The following RNASEH1 variants were observed in gnomAD, a reference collection of about 807,000 sequenced individuals.
RNASEH1 encodes ribonuclease H1.
Under a neutral mutation model 34.6 loss-of-function variants are expected in RNASEH1, and 27 were observed. The ratio of observed to expected loss-of-function variants is 0.78; its 90% CI spans 0.58 to 1.08. RNASEH1 has a LOEUF of 1.08. Among genes scored for constraint, RNASEH1 ranks in the 50% least tolerant of loss-of-function variants. RNASEH1 has a pLI of 0.00. For synonymous variants in RNASEH1, 162 were observed against 138.4 expected (o/e 1.17, Z -1.20); for missense variants, 349 against 373.6 (o/e 0.93, Z 0.54).
chr2:3,538,609 C>T (rs556488019), downstream of RNASEH1, among the ~76,000 whole-genome samples: 12 of 152,242 alleles, frequency 7.9e-5, no homozygotes, highest in African/African-American at 2.9e-4. Context: ...TCTGTGGGTA[C>T]TTATGGGGTC....
At chr2:3,556,027 A>G (rs1660458594) in intron 2 of RNASEH1, among the ~76,000 whole-genome samples, 1 of 152,008 alleles carries the variant, frequency 6.6e-6, no homozygotes, top group South Asian at 2.1e-4. Context: ...TACAAAAATT[A>G]GCCGGGCGTG....
At chr2:3,554,276 T>TA (rs1660271649) in intron 2 of RNASEH1, among the ~76,000 whole-genome samples, 3 of 152,220 alleles carry the variant, frequency 2.0e-5, no homozygotes, top group Admixed American at 2.0e-4. Flanking sequence ...TGGTCCAGGT[T>TA]AAAGTGTCAT....
rs1417073703 is a variant in RNASEH1, at chr2:3,543,213, T to G, written c.*2572A>C. ...CCTGCAGTCAGTCTGGCCATGTACA[T>G]GTGTCTTTCCCTTCCTGTGGCTATA... On this transcript the variant is annotated 3_prime_UTR_variant, in exon 8 of 8. Coordinates refer to ENST00000315212, the MANE Select transcript of RNASEH1 (RefSeq NM_002936.6). Among the ~76,000 whole-genome samples, 1 of 152,200 alleles carries G rather than the reference T, an allele frequency of 6.6e-6. No individual in the cohort carries two copies. Among genetic ancestry groups the G allele is most frequent in the Admixed American group, 6.5e-5 (1 of 15,270 alleles).
At chr2:3,556,382 T>C (rs1179495011) in intron 2 of RNASEH1, among the ~76,000 whole-genome samples, 1 of 150,022 alleles carries the variant, frequency 6.7e-6, no homozygotes, top group East Asian at 2.0e-4. Context: ...CTCGGCTCAC[T>C]GTAGCCTCCA....
At position 3,553,893 on chromosome 2, in the gene RNASEH1, G is replaced by A. The variant is rs1008327604; in HGVS notation, c.245-1585C>T. Reference sequence around the variant, plus strand: ...CTGGGCTTCTGTAAAACGAGGCCCTGGGCTAGATGATCTCAAACGACTTTT... The same window carrying A: ...CTGGGCTTCTGTAAAACGAGGCCCTAGGCTAGATGATCTCAAACGACTTTT... On this transcript the variant is annotated intron_variant, in intron 2 of 7. Coordinates refer to ENST00000315212, the MANE Select transcript of RNASEH1 (RefSeq NM_002936.6). 2.0e-5 allele frequency among the ~76,000 whole-genome samples: 3 copies of A among 152,302 alleles called. No individual in the cohort carries two copies. The South Asian group carries it at 6.2e-4, about 32-fold the overall frequency.
intron 3 of RNASEH1, 23 bp from the exon 4 acceptor site, chr2:3,550,495 C>T (rs1481784315): frequency 1.9e-6 from 3 of 1,573,714 alleles, no homozygotes; most frequent in Admixed American, 1.7e-5. Flanking sequence ...GAAGTACATG[C>T]TGCTGGGCTG....
chr2:3,545,785 T>C lies in RNASEH1; in HGVS notation c.861A>G (p.Ter287TrpextTer3), dbSNP rs1668691565. The C allele has an allele frequency of 1.2e-6, 2 of 1,609,390 alleles. No individual in the cohort carries two copies. Among genetic ancestry groups the C allele is most frequent in the African/African-American group, 2.7e-5 (2 of 74,826 alleles). The change falls in exon 8 of 8, where the codon TGA (stop) becomes TGG (tryptophan). Residue 287 changes from the stop codon to tryptophan, a stop_lost. Transcript: ENST00000315212. ...CTCCCAAGGACTAAAGTCACATGGC[T>C]CAGTCTTCCGATTGTTTAGCTCCTT... ...AREGAKQSED[*>W]
the RNASEH1 span, among the ~76,000 whole-genome samples, chr2:3,534,611 G>A: frequency 6.6e-6 from 1 of 152,248 alleles, no homozygotes; most frequent in East Asian, 1.9e-4. Flanking sequence ...CCCAACCGCC[G>A]GCTGAGCGCG....
intron 1 of RNASEH1, among the ~76,000 whole-genome samples, chr2:3,557,120 G>A (rs1459038205): frequency 6.6e-6 from 1 of 152,170 alleles, no homozygotes; most frequent in Non-Finnish European, 1.5e-5. Flanking sequence ...ACATCTTCTT[G>A]CATGCTTTAA....
At position 3,557,745 on chromosome 2, in the gene RNASEH1, G is replaced by A. The variant is rs1411798888; in HGVS notation, c.128+388C>T. Reference sequence around the variant, plus strand: ...AGAATTTGCCTTTTTTAAAAGGGAAGATTAGGTACTGAGTTCCAATCCCAA... The same window carrying A: ...AGAATTTGCCTTTTTTAAAAGGGAAAATTAGGTACTGAGTTCCAATCCCAA... On this transcript the variant is annotated intron_variant, in intron 1 of 7. Coordinates refer to ENST00000315212, the MANE Select transcript of RNASEH1 (RefSeq NM_002936.6). The A allele has an allele frequency of 7.6e-6, 5 of 653,860 alleles. No individual in the cohort carries two copies. The African/African-American group carries it at 9.3e-5, about 12-fold the overall frequency. 40.5% of individuals were successfully genotyped at this position (653,860 alleles called of 1,614,324 possible). A position where few individuals can be genotyped will look rare whatever the true frequency, so the allele number is the denominator to read the frequency against.
intron 1 of RNASEH1, chr2:3,557,552 T>C (rs1163417752): frequency 3.8e-6 from 1 of 260,462 alleles, no homozygotes; most frequent in Non-Finnish European, 7.6e-6. Flanking sequence ...TATCTTGTAG[T>C]GGGAAGAGTT....
the RNASEH1 span, among the ~76,000 whole-genome samples, chr2:3,535,429 A>T: frequency 1.5e-4 from 9 of 62,044 alleles, no homozygotes; most frequent in South Asian, 1.6e-3. Flanking sequence ...TATCCTGTCT[A>T]AAAAAAAAAA....
the RNASEH1 span, among the ~76,000 whole-genome samples, chr2:3,535,428 T>TAAA: frequency 8.7e-6 from 1 of 114,666 alleles, no homozygotes; most frequent in African/African-American, 3.3e-5. Context: ...CTATCCTGTC[T>TAAA]AAAAAAAAAA....
the RNASEH1 span, among the ~76,000 whole-genome samples, chr2:3,534,959 T>C: frequency 6.6e-6 from 1 of 152,188 alleles, no homozygotes; most frequent in African/African-American, 2.4e-5. Flanking sequence ...AGGAGTCACA[T>C]TCATAGAGAT....
intron 7 of RNASEH1, among the ~76,000 whole-genome samples, chr2:3,546,511 A>C (rs1668769321): frequency 6.6e-6 from 1 of 152,238 alleles, no homozygotes. Flanking sequence ...ATACACTGAT[A>C]GTTTTATTTA....
chr2:3,553,758 C>G (rs1250307184), intron 2 of RNASEH1, among the ~76,000 whole-genome samples: 13 of 152,174 alleles, frequency 8.5e-5, no homozygotes, highest in Non-Finnish European at 1.6e-4. Context: ...CTGGGTAATA[C>G]TATGGCAGCT....
chr2:3,556,431 G>A (rs1003815461), intron 2 of RNASEH1, among the ~76,000 whole-genome samples: 1 of 150,494 alleles, frequency 6.6e-6, no homozygotes, highest in Non-Finnish European at 1.5e-5. Context: ...TCAGCCTCCC[G>A]AGTAGCTGGG....
chr2:3,538,281 C>T (rs1033167365), downstream of RNASEH1, among the ~76,000 whole-genome samples: 3 of 150,970 alleles, frequency 2.0e-5, no homozygotes, highest in African/African-American at 7.3e-5. Context: ...GAACCCAGGA[C>T]GCAGAGGTTG....
At chr2:3,532,316 GGAACAA>G in the RNASEH1 span, 1 of 702,200 alleles carries the variant, frequency 1.4e-6, no homozygotes, top group Non-Finnish European at 2.6e-6. Context: ...TGATGCTGTG[GGAACAA>G]GAAATAATGG....
Sources: gnomAD v4.1 joint callset for allele counts (sites outside exome capture counted in the v4.1 genomes callset) on GRCh38, gnomAD v4.1.1 for gene constraint, MANE v1.5 for transcripts, NCBI Gene and HGNC (gene_info 2026-07-23, HGNC 2026-07-21) for gene names.